SORBS2: variants seen among roughly 807,000 people sequenced by gnomAD.
The protein encoded by SORBS2 is sorbin and SH3 domain containing 2.
A neutral mutation model predicts 97.7 loss-of-function variants in SORBS2; 46 were observed. That is an observed-to-expected ratio of 0.47 (90% confidence interval 0.37 to 0.60). The LOEUF (loss-of-function observed/expected upper bound fraction) is 0.60. Ranked by LOEUF, SORBS2 falls within the 20% of genes least tolerant of loss-of-function variation. The pLI, the probability that SORBS2 is intolerant of heterozygous loss-of-function variation, is 0.00. For synonymous variants in SORBS2, 476 were observed against 473.4 expected (o/e 1.01, Z -0.07); for missense variants, 1,316 against 1,282.3 (o/e 1.03, Z -0.40).
At chr4:185,774,199 CG>C (rs1208667255) in intron 2 of SORBS2, 1 of 152,166 alleles carries the variant, frequency 6.6e-6, no homozygotes, top group Admixed American at 6.5e-5. Context: ...GCAGCCAGCG[CG>C]GGGCTCTGTG....
At chr4:185,799,707 T>C (rs76964262) in intron 1 of SORBS2, among the ~76,000 whole-genome samples, 16,386 of 152,234 alleles carry the variant, frequency 0.11, 945 homozygotes, top group Non-Finnish European at 0.13. Flanking sequence ...ACACCAGTAG[T>C]GGCTGACGTC....
chr4:185,836,934 G>A (rs1466128828), intron 1 of SORBS2, among the ~76,000 whole-genome samples: 1 of 152,192 alleles, frequency 6.6e-6, no homozygotes, highest in Non-Finnish European at 1.5e-5. Context: ...AGTTCACAAA[G>A]ATAGCTAAGC....
In SORBS2 at chr4:185,607,018, G is replaced by C. The variant is rs13117637; in HGVS notation, c.2796+4762C>G. 41 of 1,008,524 alleles carry C rather than the reference G, an allele frequency of 4.1e-5. No individual in the cohort carries two copies. Among genetic ancestry groups the C allele is most frequent in the Non-Finnish European group, 4.9e-5 (41 of 843,756 alleles). 62.5% of individuals were successfully genotyped at this position (1,008,524 alleles called of 1,614,324 possible). A position where few individuals can be genotyped will look rare whatever the true frequency, so the allele number is the denominator to read the frequency against. On this transcript the variant is annotated intron_variant, in intron 12 of 14. Transcript: ENST00000418609. The surrounding 1 kb of genome is among the most constrained non-coding windows in gnomAD (Gnocchi z 5.2). ...TGCATGGTAAGGCTGGGCTGCAGCC[G>C]AGGCCACACCCGCGTGAGTGGAAGG...
At chr4:185,780,751 A>C (rs1443392672) in intron 1 of SORBS2, among the ~76,000 whole-genome samples, 1 of 152,200 alleles carries the variant, frequency 6.6e-6, no homozygotes, top group Non-Finnish European at 1.5e-5. Context: ...AATACTTTTT[A>C]GTAGGCGATT....
chr4:185,755,823 A>G (rs967470040), intron 2 of SORBS2, among the ~76,000 whole-genome samples: 1 of 151,456 alleles, frequency 6.6e-6, no homozygotes, highest in African/African-American at 2.5e-5. Flanking sequence ...CATTCCTCAT[A>G]TCTCACTTGG....
intron 1 of SORBS2, among the ~76,000 whole-genome samples, chr4:185,783,695 G>A (rs947138115): frequency 1.3e-5 from 2 of 152,150 alleles, no homozygotes; most frequent in Non-Finnish European, 2.9e-5. Flanking sequence ...GGCATGAGAG[G>A]GAATATCCTG....
At position 185,733,700 on chromosome 4, in the gene SORBS2, G is replaced by A. The variant is rs867893160; in HGVS notation, c.-198+41527C>T. ...CAAGGGGATCAGTTACAGTTTCTTCGCCATGTGCCTTAGACCTACAGCTTG... is the reference window on the plus strand; with the variant it reads ...CAAGGGGATCAGTTACAGTTTCTTCACCATGTGCCTTAGACCTACAGCTTG... On this transcript the variant is annotated intron_variant, in intron 2 of 20. Transcript: ENST00000284776. Among the ~76,000 whole-genome samples, 9 of 152,268 alleles carry A rather than the reference G, an allele frequency of 5.9e-5. No homozygotes were observed. In the Middle Eastern group the frequency reaches 0.01, roughly 173 times the overall value.
chr4:185,657,886 A>C (rs1371037579), upstream of SORBS2, among the ~76,000 whole-genome samples: 1 of 152,144 alleles, frequency 6.6e-6, no homozygotes, highest in Non-Finnish European at 1.5e-5. Flanking sequence ...TAAATGCATT[A>C]TCTCTTCTTA....
chr4:185,622,899 G>T lies in SORBS2; in HGVS notation c.2215+15C>A. On this transcript the variant is annotated intron_variant, in intron 7 of 14. Coordinates refer to ENST00000418609, the Ensembl canonical transcript of SORBS2. Reference sequence around the variant, plus strand: ...TCTCTGAACCACAAGGAAAAAGAAAGAAAAGCTCATCCACCTTGGAGTGCA... The same window carrying T: ...TCTCTGAACCACAAGGAAAAAGAAATAAAAGCTCATCCACCTTGGAGTGCA... The T allele has an allele frequency of 6.4e-7, 1 of 1,566,820 alleles. No homozygotes were observed. Among genetic ancestry groups the T allele is most frequent in the Non-Finnish European group, 8.6e-7 (1 of 1,156,210 alleles).
At chr4:185,792,194 A>G (rs748990439) in intron 1 of SORBS2, among the ~76,000 whole-genome samples, 8 of 152,176 alleles carry the variant, frequency 5.3e-5, no homozygotes, top group Non-Finnish European at 1.0e-4. Context: ...TCATAACGTT[A>G]AGTAGATTTA....
At chr4:185,714,945 T>C (rs1156309036) in intron 2 of SORBS2, among the ~76,000 whole-genome samples, 1 of 150,450 alleles carries the variant, frequency 6.6e-6, no homozygotes, top group African/African-American at 2.5e-5. Flanking sequence ...GTTTCACTTA[T>C]CTTCAGAACA....
chr4:185,850,969 A>G (rs963126752), intron 1 of SORBS2, among the ~76,000 whole-genome samples: 2 of 152,156 alleles, frequency 1.3e-5, no homozygotes, highest in Non-Finnish European at 2.9e-5. Flanking sequence ...TCCCGCCCTC[A>G]GATGTTGGTG....
chr4:185,623,185 A>G lies in SORBS2; in HGVS notation c.1944T>C (p.Ala648=). The change falls in exon 7 of 15, where the codon GCT becomes GCC. Residue 648 remains alanine (A), a synonymous_variant. Coordinates refer to ENST00000418609, the Ensembl canonical transcript of SORBS2. The surrounding 1 kb of genome is among the most constrained non-coding windows in gnomAD (Gnocchi z 6.4). ...CCGGCAAGCTCCCCCTTTTCTTTTC[A>G]GCTTTAATTTGGTCACAGATGTCTT... The G allele has an allele frequency of 6.2e-7, 1 of 1,614,024 alleles. No individual in the cohort carries two copies. The highest frequency in any genetic ancestry group is 8.5e-7 in the Non-Finnish European group (1 of 1,180,008).
chr4:185,597,482 A>G (rs1027816734), intron 12 of SORBS2, among the ~76,000 whole-genome samples: 4 of 152,256 alleles, frequency 2.6e-5, no homozygotes, highest in Non-Finnish European at 4.4e-5. Context: ...ACCAAAACCC[A>G]AAGATACTGG....
At chr4:185,630,373 TTGAAA>T (rs1357472093) in intron 5 of SORBS2, among the ~76,000 whole-genome samples, 171 bp downstream of exon 17, 1 of 152,146 alleles carries the variant, frequency 6.6e-6, no homozygotes, top group African/African-American at 2.4e-5. Flanking sequence ...TTAGAAATTC[TTGAAA>T]TGATCATATA....
intron 1 of SORBS2, among the ~76,000 whole-genome samples, chr4:185,917,203 G>A (rs1277680051): frequency 6.6e-6 from 1 of 152,170 alleles, no homozygotes; most frequent in Non-Finnish European, 1.5e-5. Context: ...CCTGCCCTGT[G>A]CGTCTCTTCA....
At chr4:185,876,782 A>G (rs2099233936) in intron 1 of SORBS2, among the ~76,000 whole-genome samples, 1 of 152,244 alleles carries the variant, frequency 6.6e-6, no homozygotes, top group African/African-American at 2.4e-5. Context: ...AATGCACATA[A>G]TAATTCAGTT....
At chr4:185,770,599 G>C (rs2098964476) in intron 2 of SORBS2, among the ~76,000 whole-genome samples, 1 of 152,054 alleles carries the variant, frequency 6.6e-6, no homozygotes, top group East Asian at 1.9e-4. Context: ...TGTTTAATCT[G>C]CTTATGATAA....
exon 7 of SORBS2, chr4:185,624,336 C>T: frequency 6.2e-7 from 1 of 1,614,146 alleles, no homozygotes; most frequent in South Asian, 1.1e-5. Context: ...TTTTGCCGGG[C>T]CATTTGCCAG....
Sources: allele counts gnomAD v4.1 joint callset (sites outside exome capture counted in the v4.1 genomes callset), GRCh38; gene constraint gnomAD v4.1.1; non-coding constraint Gnocchi (gnomAD v3.1); transcripts MANE v1.5; gene names NCBI Gene and HGNC (gene_info 2026-07-23, HGNC 2026-07-21).